Variants in RERE observed in about 807,000 individuals in gnomAD.
RERE encodes the protein arginine-glutamic acid dipeptide repeats, also known as arginine-glutamic acid dipeptide repeats protein.
RERE carries 40 observed loss-of-function variants against 146.1 expected under a neutral mutation model. That is an observed-to-expected ratio of 0.27 (90% CI 0.21 to 0.36). The LOEUF (loss-of-function observed/expected upper bound fraction) is 0.36. Among genes scored for constraint, RERE ranks in the 10% least tolerant of loss-of-function variants. RERE has a pLI of 1.00. For missense variants in RERE, 1,933 were observed against 2,138.7 expected, an observed-to-expected ratio of 0.90 and a Z score of 1.90; for synonymous variants, 1,003 against 866.0, an observed-to-expected ratio of 1.16 and a Z score of -2.78.
At chr1:8,594,812 A>C (rs1646536147) in intron 4 of RERE, among the ~76,000 whole-genome samples, 1 of 152,150 alleles carries the variant, frequency 6.6e-6, no homozygotes, top group Non-Finnish European at 1.5e-5. Context: ...GTTGGCAGAG[A>C]GCCATCCCCA....
intron 2 of RERE, among the ~76,000 whole-genome samples, chr1:8,651,322 A>C (rs1042089523): frequency 5.3e-5 from 8 of 152,140 alleles, no homozygotes; most frequent in Non-Finnish European, 1.2e-4. Context: ...AGGCAGGAGA[A>C]GCAATTGAGC....
At chr1:8,551,414 G>A (rs934911001) in intron 6 of RERE, among the ~76,000 whole-genome samples, 4 of 152,124 alleles carry the variant, frequency 2.6e-5, no homozygotes, top group Non-Finnish European at 5.9e-5. Context: ...TTATCTGCTC[G>A]TTCTTGGAGT....
chr1:8,502,773 G>C lies in RERE; in HGVS notation c.880-5244C>G, dbSNP rs1347021858. The stretch of plus-strand genomic sequence containing the variant: ...AATTCTTCTGCCTTGGGATCCTGTT[G>C]ATCTGTGACCTTATCCCCAACCCTG... On this transcript the variant is annotated intron_variant, in intron 8 of 22. Coordinates refer to ENST00000400908, the MANE Select transcript of RERE (RefSeq NM_001042681.2). Among the ~76,000 whole-genome samples, 6 of 147,646 alleles carry C rather than the reference G, an allele frequency of 4.1e-5. No homozygotes were observed. The South Asian group carries it at 1.3e-3, about 32-fold the overall frequency.
intron 1 of RERE, chr1:8,796,632 TAACCATCAA>T (rs1641479872): frequency 6.6e-6 from 1 of 151,944 alleles, no homozygotes; most frequent in Non-Finnish European, 1.5e-5. Context: ...GTTTGATCTG[TAACCATCAA>T]TTAAGATTAA....
intron 1 of RERE, among the ~76,000 whole-genome samples, chr1:8,668,500 G>C (rs992409979): frequency 6.6e-6 from 1 of 152,142 alleles, no homozygotes; most frequent in African/African-American, 2.4e-5. Flanking sequence ...AAGGGGAAAA[G>C]AATCCCTAAA....
At chr1:8,570,413 TG>T (rs1646206996) in intron 4 of RERE, among the ~76,000 whole-genome samples, 1 of 152,186 alleles carries the variant, frequency 6.6e-6, no homozygotes, top group Non-Finnish European at 1.5e-5. Context: ...ACCCACTACA[TG>T]CTCGTGTTAA....
At chr1:8,497,717 T>C (rs552617227) in intron 8 of RERE, among the ~76,000 whole-genome samples, 188 bp from the exon 9 acceptor site, 1 of 152,302 alleles carries the variant, frequency 6.6e-6, no homozygotes, top group South Asian at 2.1e-4. Flanking sequence ...CATTTCACCA[T>C]AGAAGATTTC....
At chr1:8,550,048 T>C (rs1645915117) in intron 6 of RERE, among the ~76,000 whole-genome samples, 1 of 152,238 alleles carries the variant, frequency 6.6e-6, no homozygotes, top group Admixed American at 6.5e-5. Flanking sequence ...TTTAGTCTAA[T>C]GCTATTGTAT....
chr1:8,461,384 C>T (rs1644524703), intron 11 of RERE, among the ~76,000 whole-genome samples: 1 of 152,104 alleles, frequency 6.6e-6, no homozygotes, highest in African/African-American at 2.4e-5. Flanking sequence ...TTTGGCTCCA[C>T]CCTTACCCAT....
chr1:8,805,080 G>A (rs1017465820), intron 1 of RERE, among the ~76,000 whole-genome samples: 12 of 141,800 alleles, frequency 8.5e-5, no homozygotes, highest in Admixed American at 6.1e-4. Context: ...GCGTGATTTC[G>A]GCTCACCGCA....
intron 4 of RERE, among the ~76,000 whole-genome samples, chr1:8,564,822 GTATA>G (rs1205137532): frequency 1.4e-4 from 13 of 94,904 alleles, no homozygotes; most frequent in East Asian, 8.2e-4. Context: ...GTATGTGTGT[GTATA>G]TGTGTATGTG....
At position 8,501,209 on chromosome 1, in the gene RERE, G is replaced by A. The variant is rs1289767188; in HGVS notation, c.880-3680C>T. On this transcript the variant is annotated intron_variant, in intron 8 of 22. Coordinates refer to ENST00000400908, the MANE Select transcript of RERE (RefSeq NM_001042681.2). ...GCCGCCCCGTCCGGGAGGGAGGTGG[G>A]GGGGTCAGCCCCCCGCCCGGCCGGC... Among the ~76,000 whole-genome samples the A allele has an allele frequency of 4.7e-5, 7 of 149,350 alleles. No individual in the cohort carries two copies. The South Asian group carries it at 1.5e-3, about 31-fold the overall frequency.
At chr1:8,375,105 T>G (rs1444085668) in intron 12 of RERE, among the ~76,000 whole-genome samples, 1 of 68,646 alleles carries the variant, frequency 1.5e-5, no homozygotes, top group Non-Finnish European at 2.7e-5. Flanking sequence ...CTTGCCAAAG[T>G]ACGTGCTATC....
intron 2 of RERE, among the ~76,000 whole-genome samples, chr1:8,644,310 A>G (rs562607998): frequency 1.3e-5 from 2 of 152,308 alleles, no homozygotes; most frequent in South Asian, 4.1e-4. Context: ...CAAGGACAGG[A>G]AGATCCTGAA....
intron 1 of RERE, among the ~76,000 whole-genome samples, chr1:8,749,259 C>G (rs72855898): frequency 1.5e-4 from 23 of 152,202 alleles, no homozygotes; most frequent in African/African-American, 5.5e-4. Flanking sequence ...TGAAGGAGAT[C>G]ATTGTGAGCT....
intron 4 of RERE, among the ~76,000 whole-genome samples, chr1:8,570,257 AAC>A (rs1458387263): frequency 6.6e-6 from 1 of 152,056 alleles, no homozygotes; most frequent in Non-Finnish European, 1.5e-5. Context: ...GAATTGCTTG[AAC>A]CGGGGAAGTG....
In RERE at chr1:8,726,147, C is replaced by CTTTTTTTTTTTTT. The variant is rs70985511; in HGVS notation, c.-144-69719_-144-69707dup. Among the ~76,000 whole-genome samples, 620 of 69,398 alleles carry CTTTTTTTTTTTTT rather than the reference C, an allele frequency of 8.9e-3. 5 individuals carry two copies. Among genetic ancestry groups the CTTTTTTTTTTTTT allele is most frequent in the Middle Eastern group, 0.016 (1 of 64 alleles). 45.5% of individuals were successfully genotyped at this position (69,398 alleles called of 152,430 possible). A position where few individuals can be genotyped will look rare whatever the true frequency, so the allele number is the denominator to read the frequency against. On this transcript the variant is annotated intron_variant, in intron 1 of 22. Coordinates refer to ENST00000400908, the MANE Select transcript of RERE (RefSeq NM_001042681.2). Reference sequence around the variant, plus strand: ...AATTCCAGTTTTCCTTTTTTCTTTTCTTTTTTTTTTTTTTTTTTTTTTTTT... The same window carrying CTTTTTTTTTTTTT: ...AATTCCAGTTTTCCTTTTTTCTTTTCTTTTTTTTTTTTTTTTTTTTTTTTTTTTTTTTTTTTTT...
chr1:8,560,662 T>C (rs1030082067), intron 4 of RERE, among the ~76,000 whole-genome samples: 3 of 152,172 alleles, frequency 2.0e-5, no homozygotes, highest in Admixed American at 6.5e-5. Context: ...ACAGAAAGCA[T>C]CTAGAACTGA....
chr1:8,614,507 A>G (rs1251141365), intron 4 of RERE, 54 bp downstream of exon 4: 8 of 1,538,650 alleles, frequency 5.2e-6, no homozygotes, highest in Non-Finnish European at 7.1e-6. Flanking sequence ...TTCCTATTTT[A>G]TACCCTATGG....
Sources: gnomAD v4.1 joint callset for allele counts (sites outside exome capture counted in the v4.1 genomes callset) on GRCh38, gnomAD v4.1.1 for gene constraint, MANE v1.5 for transcripts, NCBI Gene and HGNC (gene_info 2026-07-23, HGNC 2026-07-21) for gene names.